Variants in FAF1 observed in about 807,000 individuals in gnomAD.
The protein encoded by FAF1 is Fas associated factor 1, also known as FAS-associated factor 1.
Under a neutral mutation model 92.5 loss-of-function variants are expected in FAF1, and 25 were observed. That is an observed-to-expected ratio of 0.27 (90% CI 0.20 to 0.38). The LOEUF is 0.38. FAF1 is among the 10% of genes least tolerant of loss of function. The pLI is 1.00. For missense variants in FAF1, 636 were observed against 793.3 expected, an observed-to-expected ratio of 0.80 and a Z score of 2.38; for synonymous variants, 234 against 273.2, an observed-to-expected ratio of 0.86 and a Z score of 1.42.
chr1:50,571,054 C>T (rs1246494208), intron 12 of FAF1, among the ~76,000 whole-genome samples: 1 of 152,120 alleles, frequency 6.6e-6, no homozygotes, highest in Non-Finnish European at 1.5e-5. Context: ...TTGAAGAGTA[C>T]CTATGTATTA....
chr1:50,894,644 A>AC (rs1644745102), intron 1 of FAF1, among the ~76,000 whole-genome samples: 1 of 152,174 alleles, frequency 6.6e-6, no homozygotes, highest in Non-Finnish European at 1.5e-5. Flanking sequence ...GACACTAAAA[A>AC]AAAAAAATGA....
chr1:50,894,858 G>A (rs1160224248), intron 1 of FAF1, among the ~76,000 whole-genome samples: 1 of 152,040 alleles, frequency 6.6e-6, no homozygotes, highest in Non-Finnish European at 1.5e-5. Flanking sequence ...CAAAACCTAT[G>A]GGGTTACAGC....
Position 50,596,232 on chromosome 1 carries a change from T to C in FAF1, c.745-16A>G, listed in dbSNP as rs896807502. Reference sequence around the variant, plus strand: ...CAAGACACATCTGCAAAAAGTAGAATCCATCATTTGTAAACAAAATACGGC... The same window carrying C: ...CAAGACACATCTGCAAAAAGTAGAACCCATCATTTGTAAACAAAATACGGC... On this transcript the variant is annotated splice_polypyrimidine_tract_variant and intron_variant, in intron 8 of 18. Transcript: ENST00000396153. 1.9e-6 allele frequency: 3 copies of C among 1,580,982 alleles called. No individual in the cohort carries two copies. Among genetic ancestry groups the C allele is most frequent in the Non-Finnish European group, 2.6e-6 (3 of 1,152,944 alleles).
intron 13 of FAF1, among the ~76,000 whole-genome samples, chr1:50,557,843 G>T (rs1216559592): frequency 1.3e-5 from 2 of 151,928 alleles, no homozygotes; most frequent in Non-Finnish European, 2.9e-5. Flanking sequence ...TTAATTTCAG[G>T]CAAGAAGAAA....
intron 7 of FAF1, among the ~76,000 whole-genome samples, chr1:50,656,912 TA>T (rs1229427080): frequency 6.6e-6 from 1 of 151,760 alleles, no homozygotes; most frequent in East Asian, 1.9e-4. Flanking sequence ...AAAAATAAAA[TA>T]AAATAAAAGA....
intron 8 of FAF1, among the ~76,000 whole-genome samples, chr1:50,639,709 G>A (rs1196366554): frequency 2.0e-5 from 3 of 152,058 alleles, no homozygotes; most frequent in Non-Finnish European, 4.4e-5. Context: ...GCCAAGGCGG[G>A]TGGATCACAA....
At chr1:50,565,698 A>C (rs753961765) in intron 13 of FAF1, among the ~76,000 whole-genome samples, 3 of 152,120 alleles carry the variant, frequency 2.0e-5, no homozygotes, top group African/African-American at 4.8e-5. Flanking sequence ...ACTACACTGC[A>C]ATTTTTTGTC....
intron 2 of FAF1, among the ~76,000 whole-genome samples, chr1:50,802,163 T>A (rs1047964947): frequency 6.6e-5 from 10 of 152,136 alleles, no homozygotes; most frequent in African/African-American, 2.4e-4. Context: ...CAATCTCAAC[T>A]CACCACAACC....
intron 3 of FAF1, among the ~76,000 whole-genome samples, chr1:50,789,147 C>T (rs575173845): frequency 3.7e-4 from 57 of 152,168 alleles, no homozygotes; most frequent in African/African-American, 1.3e-3. Context: ...AAATAATCTC[C>T]TCATTAGCTC....
At chr1:50,514,947 G>C (rs577420642) in intron 15 of FAF1, among the ~76,000 whole-genome samples, 1 of 152,254 alleles carries the variant, frequency 6.6e-6, no homozygotes, top group East Asian at 1.9e-4. Context: ...TTTAGATCCG[G>C]TCATCACTAA....
chr1:50,707,445 T>C (rs1458153063), intron 6 of FAF1, among the ~76,000 whole-genome samples: 1 of 152,148 alleles, frequency 6.6e-6, no homozygotes, highest in African/African-American at 2.4e-5. Context: ...ACACCTGCAA[T>C]CCCAGCACTT....
intron 7 of FAF1, among the ~76,000 whole-genome samples, chr1:50,662,683 CTTTTTTTTTTTTTTTTT>C (rs58193277): frequency 6.4e-5 from 5 of 77,602 alleles, no homozygotes; most frequent in South Asian, 7.4e-4. Flanking sequence ...GAATTTGTAT[CTTTTTTTTTTTTTTTTT>C]TTTTTTTTTT....
chr1:50,739,924 C>G (rs1242182350), intron 5 of FAF1, among the ~76,000 whole-genome samples: 1 of 152,136 alleles, frequency 6.6e-6, no homozygotes, highest in Non-Finnish European at 1.5e-5. Context: ...AACTCCTAAC[C>G]TGAAGGTAAA....
At chr1:50,852,374 T>C (rs907430887) in intron 2 of FAF1, among the ~76,000 whole-genome samples, 1 of 149,672 alleles carries the variant, frequency 6.7e-6, no homozygotes, top group Admixed American at 6.6e-5. Flanking sequence ...AATAACTCAA[T>C]CAGTCAAGTA....
At chr1:50,945,392 A>T (rs1348284781) in intron 1 of FAF1, among the ~76,000 whole-genome samples, 1 of 152,248 alleles carries the variant, frequency 6.6e-6, no homozygotes, top group Non-Finnish European at 1.5e-5. Flanking sequence ...TGCCAGGAGC[A>T]AGCAGGAGCC....
At chr1:50,540,911 T>G (rs1648730017) in intron 13 of FAF1, among the ~76,000 whole-genome samples, 1 of 152,228 alleles carries the variant, frequency 6.6e-6, no homozygotes, top group South Asian at 2.1e-4. Flanking sequence ...ATTATGTTCA[T>G]GAAAGGCAAC....
chr1:50,485,181 G>C (rs1364468129), intron 17 of FAF1, among the ~76,000 whole-genome samples: 1 of 151,664 alleles, frequency 6.6e-6, no homozygotes, highest in Non-Finnish European at 1.5e-5. Flanking sequence ...GGCTGGCCTT[G>C]AACTCCTAGG....
intron 1 of FAF1, among the ~76,000 whole-genome samples, chr1:50,933,848 A>G (rs1429975044): frequency 6.6e-6 from 1 of 152,236 alleles, no homozygotes; most frequent in Non-Finnish European, 1.5e-5. Flanking sequence ...CAACGGCAAG[A>G]GAAAAATGAG....
At chr1:50,909,720 C>T (rs1395934471) in intron 1 of FAF1, among the ~76,000 whole-genome samples, 2 of 152,210 alleles carry the variant, frequency 1.3e-5, no homozygotes, top group Non-Finnish European at 2.9e-5. Context: ...TGGTTTTCAG[C>T]TTCATCAGGT....
Sources: allele counts gnomAD v4.1 joint callset (sites outside exome capture counted in the v4.1 genomes callset), GRCh38; gene constraint gnomAD v4.1.1; transcripts MANE v1.5; gene names NCBI Gene and HGNC (gene_info 2026-07-23, HGNC 2026-07-21).